WNK1: variants seen among roughly 807,000 people sequenced by gnomAD.
WNK1 encodes WNK lysine deficient protein kinase 1.
WNK1 carries 38 observed loss-of-function variants against 222.8 expected under a neutral mutation model. That is an observed-to-expected ratio of 0.17 (90% CI 0.13 to 0.22). WNK1 has a LOEUF of 0.22. WNK1 is among the 10% of genes least tolerant of loss of function. The probability of loss-of-function intolerance (pLI) is 1.00; values close to 1 mark genes in which losing one functional copy is unlikely to be tolerated. For synonymous variants in WNK1, 1,090 were observed against 1,092.9 expected (o/e 1.00, Z 0.05); for missense variants, 2,348 against 2,918.4 (o/e 0.80, Z 4.50).
chr12:868,865 C>A, intron 8 of WNK1: 1 of 1,611,480 alleles, frequency 6.2e-7, no homozygotes, highest in Non-Finnish European at 8.5e-7. Context: ...AATAGGAAGC[C>A]CAGAATATTC....
At chr12:815,456 T>C (rs903071000) in intron 2 of WNK1, among the ~76,000 whole-genome samples, 1 of 152,232 alleles carries the variant, frequency 6.6e-6, no homozygotes, top group African/African-American at 2.4e-5. Flanking sequence ...AGATCATTTC[T>C]GTCCTGCAAA....
Position 827,334 on chromosome 12 carries a change from C to CA in WNK1, c.1153+73dup. ...CTTTTATTTAGAATCCTGGCTCTGT[C>CA]AGAGTTTTAAGTGATATAAACCTTA... On this transcript the variant is annotated intron_variant, in intron 3 of 27. Transcript: ENST00000315939. The surrounding 1 kb of genome is among the most constrained non-coding windows in gnomAD (Gnocchi z 4.6). The CA allele has an allele frequency of 2.2e-6, 3 of 1,387,646 alleles. No homozygotes were observed. The highest frequency in any genetic ancestry group is 2.1e-6 in the Non-Finnish European group (2 of 975,200). 86.0% of individuals were successfully genotyped at this position (1,387,646 alleles called of 1,614,324 possible).
chr12:805,275 G>A (rs1354387584), intron 1 of WNK1, among the ~76,000 whole-genome samples: 2 of 152,072 alleles, frequency 1.3e-5, no homozygotes, highest in African/African-American at 4.8e-5. Flanking sequence ...CCACATCCTT[G>A]CCAACACTTT....
chr12:830,199 A>G (rs1429993323), intron 4 of WNK1, 39 bp downstream of exon 4: 1 of 1,610,014 alleles, frequency 6.2e-7, no homozygotes, highest in Admixed American at 1.7e-5. Context: ...CTTGGGGCAT[A>G]TCTAACAAAG....
intron 1 of WNK1, among the ~76,000 whole-genome samples, chr12:766,798 A>G (rs1446142200): frequency 6.7e-6 from 1 of 148,708 alleles, no homozygotes; most frequent in Admixed American, 6.7e-5. Context: ...TATTTTTGAG[A>G]TGGAGTCTTG....
intron 1 of WNK1, among the ~76,000 whole-genome samples, chr12:810,442 C>G (rs967763493): frequency 1.3e-5 from 2 of 152,068 alleles, no homozygotes. Flanking sequence ...GAATATTGCA[C>G]ATATATAATA....
intron 2 of WNK1, among the ~76,000 whole-genome samples, chr12:821,327 A>G (rs749602735): frequency 1.5e-4 from 23 of 152,122 alleles, no homozygotes; most frequent in Admixed American, 4.6e-4. Flanking sequence ...GTATCAGGGC[A>G]ATACTGGCCT....
intron 4 of WNK1, among the ~76,000 whole-genome samples, chr12:851,155 C>A (rs1950390314): frequency 6.6e-6 from 1 of 152,200 alleles, no homozygotes; most frequent in Non-Finnish European, 1.5e-5. Context: ...AACTGAGAAC[C>A]CAGCCCCAGT....
At chr12:904,433 C>T (rs748834286) in intron 26 of WNK1, 2 of 1,288,582 alleles carry the variant, frequency 1.6e-6, no homozygotes, top group South Asian at 2.5e-5. Flanking sequence ...TAACACATTG[C>T]TTCTCTCTTT....
intron 1 of WNK1, among the ~76,000 whole-genome samples, chr12:764,299 G>C (rs1353577918): frequency 6.8e-6 from 1 of 147,410 alleles, no homozygotes; most frequent in Non-Finnish European, 1.5e-5. Context: ...AAGTAGTAAA[G>C]AAATGTAGTA....
At chr12:877,068 T>C (rs1952691085) in intron 9 of WNK1, among the ~76,000 whole-genome samples, 1 of 144,730 alleles carries the variant, frequency 6.9e-6, no homozygotes, top group South Asian at 2.2e-4. Flanking sequence ...TTTTTTTTTT[T>C]TTTTTTTTTT....
intron 4 of WNK1, chr12:851,679 T>C: frequency 7.6e-7 from 1 of 1,319,196 alleles, no homozygotes. Flanking sequence ...AAGAAATCTG[T>C]TTTGCCTTTT....
rs747339883 is a variant in WNK1, at chr12:881,964, C to T, written c.3263C>T (p.Ser1088Phe). ...GMSDGNENVP[S>F]SSGRHEGRTT... ...AGTGATGGCAATGAGAACGTCCCAT[C>T]TTCCAGTGGAAGGCATGAAGGAAGA... Residue 1088 changes from serine to phenylalanine, a missense_variant, in exon 14 of 28, where the codon TCT (serine) becomes TTT (phenylalanine). Around this residue, in one of 13 missense-constraint regions of WNK1, gnomAD observed 547 missense variants for 558.3 expected, o/e 0.98. Transcript: ENST00000315939. 6 of 1,614,058 alleles carry T rather than the reference C, an allele frequency of 3.7e-6. No individual in the cohort carries two copies. In the Admixed American group the frequency reaches 1.0e-4, roughly 27 times the overall value.
intron 8 of WNK1, chr12:867,807 G>A (rs921361792): frequency 6.3e-7 from 1 of 1,593,100 alleles, no homozygotes; most frequent in Non-Finnish European, 8.6e-7. Flanking sequence ...AGTTGTGCAT[G>A]TCTGATGTAA....
At chr12:876,374 A>C (rs955846735) in intron 9 of WNK1, among the ~76,000 whole-genome samples, 1 of 152,152 alleles carries the variant, frequency 6.6e-6, no homozygotes, top group Non-Finnish European at 1.5e-5. Flanking sequence ...GCGCCACTGC[A>C]CTCCAGCCTG....
chr12:854,355 C>CTTTTTT (rs765372764), intron 4 of WNK1, among the ~76,000 whole-genome samples: 8,199 of 97,570 alleles, frequency 0.084, 1,093 homozygotes, highest in South Asian at 0.12. Context: ...TTATCATTAT[C>CTTTTTT]TTTTTTTTTT....
chr12:803,658 A>G (rs11064541), intron 1 of WNK1, among the ~76,000 whole-genome samples: 19,314 of 152,044 alleles, frequency 0.13, 1,573 homozygotes, highest in Middle Eastern at 0.2. Flanking sequence ...AATCGCTTGA[A>G]CCCAGGAAGC....
At chr12:904,147 A>G (rs942664261) in intron 26 of WNK1, among the ~76,000 whole-genome samples, 1 of 152,178 alleles carries the variant, frequency 6.6e-6, no homozygotes, top group Non-Finnish European at 1.5e-5. Flanking sequence ...GACCTGAGAG[A>G]CTGGAGTTCC....
At chr12:875,163 A>C (rs749785040) in intron 9 of WNK1, among the ~76,000 whole-genome samples, 3 of 152,216 alleles carry the variant, frequency 2.0e-5, no homozygotes, top group Admixed American at 2.0e-4. Context: ...AAGAGTTGAT[A>C]GAGTCTAAAT....
Sources: allele counts gnomAD v4.1 joint callset (sites outside exome capture counted in the v4.1 genomes callset), GRCh38; gene constraint gnomAD v4.1.1; regional missense constraint gnomAD v4.1.1; non-coding constraint Gnocchi (gnomAD v3.1); transcripts MANE v1.5; gene names NCBI Gene and HGNC (gene_info 2026-07-23, HGNC 2026-07-21).